Variants in RERE observed in about 807,000 individuals in gnomAD.
RERE encodes the protein arginine-glutamic acid dipeptide repeats protein.
RERE carries 40 observed loss-of-function variants against 146.1 expected under a neutral mutation model. The ratio of observed to expected loss-of-function variants is 0.27; its 90% CI spans 0.21 to 0.36. The LOEUF (loss-of-function observed/expected upper bound fraction) is 0.36, where lower values mean the gene tolerates loss of function less well. Among genes scored for constraint, RERE ranks in the 10% least tolerant of loss-of-function variants. RERE has a pLI of 1.00. For synonymous variants in RERE, 1,003 were observed against 866.0 expected (o/e 1.16, Z -2.78); for missense variants, 1,933 against 2,138.7 (o/e 0.90, Z 1.90).
intron 12 of RERE, among the ~76,000 whole-genome samples, chr1:8,419,402 C>T (rs1368554700): frequency 6.6e-6 from 1 of 152,138 alleles, no homozygotes; most frequent in Admixed American, 6.5e-5. Context: ...ACGTCTATGC[C>T]CACCAGGAAC....
intron 1 of RERE, among the ~76,000 whole-genome samples, chr1:8,783,265 G>A (rs183142118): frequency 1.3e-4 from 20 of 152,216 alleles, no homozygotes; most frequent in Admixed American, 1.3e-3. Context: ...AGCCAGGGAG[G>A]TCAAGGCTGC....
chr1:8,564,072 G>C (rs1357459425), intron 4 of RERE, among the ~76,000 whole-genome samples: 1 of 152,194 alleles, frequency 6.6e-6, no homozygotes, highest in African/African-American at 2.4e-5. Flanking sequence ...CCACTTACAG[G>C]ACAATGACTG....
At chr1:8,705,180 A>C (rs539367971) in intron 1 of RERE, among the ~76,000 whole-genome samples, 53 of 152,348 alleles carry the variant, frequency 3.5e-4, no homozygotes, top group African/African-American at 1.2e-3. Context: ...TGGTGAGAAG[A>C]AGCAAACCGC....
At chr1:8,667,474 G>C (rs1305647834) in intron 1 of RERE, among the ~76,000 whole-genome samples, 4 of 152,198 alleles carry the variant, frequency 2.6e-5, no homozygotes, top group African/African-American at 9.6e-5. Context: ...TCAAGAATTT[G>C]AGACGAGCCT....
chr1:8,711,815 C>T (rs960277849), intron 1 of RERE, among the ~76,000 whole-genome samples: 1 of 152,106 alleles, frequency 6.6e-6, no homozygotes, highest in Admixed American at 6.5e-5. Flanking sequence ...ATTAACCAGA[C>T]AGATAATTGT....
At chr1:8,362,932 A>C (rs1160104010) in intron 15 of RERE, 88 bp from the exon 16 acceptor site, 5 of 1,436,978 alleles carry the variant, frequency 3.5e-6, no homozygotes, top group Non-Finnish European at 4.8e-6. Flanking sequence ...AGAAGCCTGA[A>C]GGCACACCCT....
intron 10 of RERE, among the ~76,000 whole-genome samples, chr1:8,468,097 C>T (rs1247204744): frequency 6.6e-6 from 1 of 152,144 alleles, no homozygotes; most frequent in African/African-American, 2.4e-5. Flanking sequence ...AATCAACTAT[C>T]TTAAAACAAA....
At chr1:8,716,055 G>A (rs1236293318) in intron 1 of RERE, among the ~76,000 whole-genome samples, 2 of 151,618 alleles carry the variant, frequency 1.3e-5, no homozygotes, top group African/African-American at 2.4e-5. Flanking sequence ...TGAGGCGGGA[G>A]GATCCCTTCA....
chr1:8,616,801 G>A (rs1424265937), intron 3 of RERE, among the ~76,000 whole-genome samples: 1 of 152,174 alleles, frequency 6.6e-6, no homozygotes, highest in African/African-American at 2.4e-5. Flanking sequence ...TGGCAGCCAC[G>A]AGTGAAGACA....
chr1:8,693,780 A>G (rs1395160964), intron 1 of RERE, among the ~76,000 whole-genome samples: 6 of 152,240 alleles, frequency 3.9e-5, no homozygotes, highest in African/African-American at 1.4e-4. Flanking sequence ...TGGCTCATCA[A>G]CAATAACAAT....
In RERE at chr1:8,360,536, T is replaced by C; in HGVS notation, c.2971A>G (p.Met991Val). 1.3e-6 allele frequency: 1 copy of C among 785,544 alleles called. No individual in the cohort carries two copies. The highest frequency in any genetic ancestry group is 1.6e-6 in the Non-Finnish European group (1 of 626,152). The allele number at this position is 785,544 out of a possible 1,614,324, so 48.7% of individuals were successfully genotyped here. The change falls in exon 18 of 23, where the codon ATG becomes GTG. Residue 991 changes from methionine (M) to valine (V), a missense_variant. This residue lies in a region of RERE where 1,255 missense variants were observed against 1,153.8 expected (regional missense o/e 1.09). Coordinates refer to ENST00000400908, the MANE Select transcript of RERE (RefSeq NM_001042681.2). ...GAGGGCAATGGCTGGCTCTGAGGCA[T>C]GAGTTGCAGGGGTGGGGGGTGAGCC... Reference protein sequence around the residue: ...PSAHPPPLQLMPQSQPLPSSP... With the variant: ...PSAHPPPLQLVPQSQPLPSSP...
chr1:8,360,537 G>C lies in RERE; in HGVS notation c.2970C>G (p.Leu990=), dbSNP rs547488776. Residue 990 remains leucine, a synonymous_variant, in exon 18 of 23, where the codon CTC becomes CTG. Transcript: ENST00000400908. ...PPSAHPPPLQ[L]MPQSQPLPSS... ...AGGGCAATGGCTGGCTCTGAGGCAT[G>C]AGTTGCAGGGGTGGGGGGTGAGCCG... is the stretch of plus-strand genomic sequence containing the variant. The C allele has an allele frequency of 6.4e-5, 69 of 1,073,794 alleles. No individual in the cohort carries two copies. The African/African-American group carries it at 1.2e-3, about 19-fold the overall frequency. 66.5% of individuals were successfully genotyped at this position (1,073,794 alleles called of 1,614,324 possible).
chr1:8,720,310 T>C (rs567277984), intron 1 of RERE, among the ~76,000 whole-genome samples: 1 of 151,146 alleles, frequency 6.6e-6, no homozygotes. Flanking sequence ...AATACATCTA[T>C]GAACAAAGTA....
At chr1:8,770,182 G>C (rs1640917587) in intron 1 of RERE, among the ~76,000 whole-genome samples, 1 of 152,156 alleles carries the variant, frequency 6.6e-6, no homozygotes. Context: ...AACACAAAGA[G>C]TCAATACCAC....
intron 1 of RERE, among the ~76,000 whole-genome samples, chr1:8,763,453 T>C (rs1475895942): frequency 6.6e-6 from 1 of 151,794 alleles, no homozygotes; most frequent in Non-Finnish European, 1.5e-5. Flanking sequence ...ACCAACATAA[T>C]GAAACCCCGT....
chr1:8,683,746 C>T (rs1331121342), intron 1 of RERE, among the ~76,000 whole-genome samples: 2 of 152,170 alleles, frequency 1.3e-5, no homozygotes, highest in Non-Finnish European at 2.9e-5. Context: ...AGTTTGAAAC[C>T]AATCTCACCA....
At position 8,459,701 on chromosome 1, in the gene RERE, A is replaced by G. The variant is rs74403367; in HGVS notation, c.1203+6224T>C. On this transcript the variant is annotated intron_variant, in intron 11 of 22. Transcript: ENST00000400908. Reference sequence around the variant, plus strand: ...AAGAAGCCAGCAAATGAGACGATGAAGCCAGACACTGTGAGACGACGTGTT... The same window carrying G: ...AAGAAGCCAGCAAATGAGACGATGAGGCCAGACACTGTGAGACGACGTGTT... 3.0e-3 allele frequency among the ~76,000 whole-genome samples: 464 copies of G among 152,342 alleles called. 2 individuals carry two copies. Among genetic ancestry groups the G allele is most frequent in the African/African-American group, 0.011 (447 of 41,584 alleles).
chr1:8,354,876 T>C lies in RERE; in HGVS notation c.*211A>G. 2 of 589,544 alleles carry C rather than the reference T, an allele frequency of 3.4e-6. No individual in the cohort carries two copies. The highest frequency in any genetic ancestry group is 6.0e-6 in the Non-Finnish European group (2 of 335,652). The allele number at this position is 589,544 out of a possible 1,614,324, so 36.5% of individuals were successfully genotyped here. A position where few individuals can be genotyped will look rare whatever the true frequency, so the allele number is the denominator to read the frequency against. ...GACTCACTAAGTTTCTGGGGGACTG[T>C]CATGCAGGGAGATCCAAACCAGTCT... On this transcript the variant is annotated 3_prime_UTR_variant, in exon 23 of 23. Transcript: ENST00000400908.
intron 1 of RERE, among the ~76,000 whole-genome samples, chr1:8,763,359 G>A (rs754319471): frequency 9.2e-5 from 14 of 152,174 alleles, no homozygotes; most frequent in African/African-American, 3.1e-4. Flanking sequence ...CCAGCTGGGC[G>A]CAGTGGCTCA....
Sources: allele counts gnomAD v4.1 joint callset (sites outside exome capture counted in the v4.1 genomes callset), GRCh38; gene constraint gnomAD v4.1.1; regional missense constraint gnomAD v4.1.1; transcripts MANE v1.5; gene names NCBI Gene and HGNC (gene_info 2026-07-23, HGNC 2026-07-21).